Variants in PDE4B observed in about 807,000 individuals in gnomAD.
PDE4B encodes the protein 3',5'-cyclic-AMP phosphodiesterase 4B.
In PDE4B, 20 loss-of-function variants were observed where a neutral mutation model predicts 82.2. That is an observed-to-expected ratio of 0.24 (90% CI 0.17 to 0.35). The LOEUF (loss-of-function observed/expected upper bound fraction) is 0.35, where lower values mean the gene tolerates loss of function less well. Ranked by LOEUF, PDE4B falls within the 10% of genes least tolerant of loss-of-function variation. The pLI is 1.00. For synonymous variants in PDE4B, 320 were observed against 318.9 expected (o/e 1.00, Z -0.04); for missense variants, 655 against 907.2 (o/e 0.72, Z 3.57).
At position 66,319,367 on chromosome 1, in the gene PDE4B, T is replaced by C. The variant is rs534043511; in HGVS notation, c.635-13141T>C. Among the ~76,000 whole-genome samples, 4 of 152,348 alleles carry C rather than the reference T, an allele frequency of 2.6e-5. No individual in the cohort carries two copies. In the East Asian group the frequency reaches 7.7e-4, roughly 29 times the overall value. ...TTTCATTCTACAAATAAAGATAAAA[T>C]TGAGGGATAAATAACCCTTGTGTTC... On this transcript the variant is annotated intron_variant, in intron 7 of 16. Coordinates refer to ENST00000341517, the MANE Select transcript of PDE4B (RefSeq NM_002600.4).
chr1:65,828,771 C>T (rs1646047836), intron 1 of PDE4B, among the ~76,000 whole-genome samples: 2 of 151,434 alleles, frequency 1.3e-5, no homozygotes, highest in Admixed American at 1.3e-4. Context: ...TAATTATAAC[C>T]CCTAGGAAAA....
At chr1:65,808,978 A>C (rs775491054) in intron 1 of PDE4B, among the ~76,000 whole-genome samples, 7 of 152,186 alleles carry the variant, frequency 4.6e-5, no homozygotes, top group Non-Finnish European at 7.3e-5. Context: ...AGAATAACAG[A>C]AAGTGGAATT....
intron 1 of PDE4B, among the ~76,000 whole-genome samples, chr1:65,883,775 A>G (rs1646737372): frequency 6.6e-6 from 1 of 152,170 alleles, no homozygotes; most frequent in Admixed American, 6.5e-5. Context: ...CCCATTCAGT[A>G]TGATATTGGC....
chr1:66,302,703 A>G (rs1232509194), intron 7 of PDE4B, among the ~76,000 whole-genome samples: 1 of 152,216 alleles, frequency 6.6e-6, no homozygotes, highest in Non-Finnish European at 1.5e-5. Flanking sequence ...GGCAGTACAA[A>G]AAGTGGAATA....
At chr1:65,884,892 G>A (rs1173218199) in intron 1 of PDE4B, among the ~76,000 whole-genome samples, 5 of 152,166 alleles carry the variant, frequency 3.3e-5, no homozygotes, top group African/African-American at 9.6e-5. Context: ...CTTCTGCACA[G>A]CAAAAGAAAC....
At position 66,332,566 on chromosome 1, in the gene PDE4B, C is replaced by G; in HGVS notation, c.693C>G (p.Asp231Glu). ...ETLEELDWCL[D>E]QLETIQTYRS... is the part of the protein sequence containing the mutation. ...TGGAGGAATTAGACTGGTGTTTAGA[C>G]CAGCTAGAGACCATACAGACCTACC... Residue 231 changes from aspartate to glutamate, a missense_variant, in exon 8 of 17, where the codon GAC becomes GAG. By Grantham distance (45) the Asp-to-Glu change is conservative. Coordinates refer to ENST00000341517, the MANE Select transcript of PDE4B (RefSeq NM_002600.4). 3 of 1,613,956 alleles carry G rather than the reference C, an allele frequency of 1.9e-6. No individual in the cohort carries two copies. Among genetic ancestry groups the G allele is most frequent in the Non-Finnish European group, 1.7e-6 (2 of 1,179,868 alleles).
intron 1 of PDE4B, among the ~76,000 whole-genome samples, chr1:65,889,908 G>T (rs1206720071): frequency 2.0e-5 from 3 of 152,044 alleles, no homozygotes; most frequent in Admixed American, 2.0e-4. Context: ...TTCCTATTGT[G>T]AGGTGTCCAC....
chr1:66,341,479 T>G (rs1229924388), intron 8 of PDE4B, among the ~76,000 whole-genome samples: 2 of 152,218 alleles, frequency 1.3e-5, no homozygotes, highest in African/African-American at 4.8e-5. Flanking sequence ...TTAGTATGCC[T>G]GAAAATTTAG....
chr1:66,295,609 A>G (rs1657453638), intron 7 of PDE4B, among the ~76,000 whole-genome samples: 1 of 152,202 alleles, frequency 6.6e-6, no homozygotes, highest in South Asian at 2.1e-4. Flanking sequence ...TTGTATTTTC[A>G]GTAGAGACAG....
chr1:66,263,165 C>T (rs538715549), intron 6 of PDE4B, among the ~76,000 whole-genome samples: 30 of 152,218 alleles, frequency 2.0e-4, no homozygotes, highest in Non-Finnish European at 2.9e-4. Context: ...AAGAGAAAGA[C>T]AGGAAAATGG....
At chr1:65,961,066 C>A (rs532808786) in intron 3 of PDE4B, among the ~76,000 whole-genome samples, 1 of 152,058 alleles carries the variant, frequency 6.6e-6, no homozygotes, top group Non-Finnish European at 1.5e-5. Flanking sequence ...ACAGATGAAA[C>A]CTTTGCCCGT....
chr1:66,142,958 A>G (rs2101154365), intron 3 of PDE4B, among the ~76,000 whole-genome samples: 1 of 152,284 alleles, frequency 6.6e-6, no homozygotes, highest in Non-Finnish European at 1.5e-5. Flanking sequence ...AAGCTAAGGG[A>G]GAGAGAACAG....
At chr1:65,965,359 C>T (rs1178812320) in intron 3 of PDE4B, among the ~76,000 whole-genome samples, 1 of 152,038 alleles carries the variant, frequency 6.6e-6, no homozygotes, top group South Asian at 2.1e-4. Flanking sequence ...ATCCTATTCT[C>T]AAAGGGTTAC....
intron 8 of PDE4B, among the ~76,000 whole-genome samples, chr1:66,342,572 A>C (rs1483632999): frequency 6.6e-6 from 1 of 151,122 alleles, no homozygotes; most frequent in African/African-American, 2.4e-5. Flanking sequence ...AAAGAAAAAA[A>C]AGAAAAAAAA....
chr1:65,913,156 T>G, intron 1 of PDE4B, 89 bp from the exon 2 acceptor site: 1 of 583,210 alleles, frequency 1.7e-6, no homozygotes. Context: ...ACATTGTACA[T>G]ATTTCAAATG....
intron 3 of PDE4B, among the ~76,000 whole-genome samples, chr1:66,125,522 A>G (rs920226224): frequency 1.3e-5 from 2 of 152,198 alleles, no homozygotes; most frequent in East Asian, 1.9e-4. Context: ...ATTTATTTCA[A>G]TGCTTAATAT....
intron 7 of PDE4B, among the ~76,000 whole-genome samples, chr1:66,304,456 A>T (rs1348545359): frequency 6.6e-6 from 1 of 152,090 alleles, no homozygotes; most frequent in Non-Finnish European, 1.5e-5. Flanking sequence ...ATCATCCATA[A>T]GCTAAAGCCT....
chr1:65,978,282 C>A (rs1650515392), intron 3 of PDE4B, among the ~76,000 whole-genome samples: 1 of 151,994 alleles, frequency 6.6e-6, no homozygotes, highest in South Asian at 2.1e-4. Flanking sequence ...CCCGCCTTGG[C>A]CTCCTAAAGT....
intron 7 of PDE4B, chr1:66,332,297 G>T: frequency 6.5e-7 from 1 of 1,535,172 alleles, no homozygotes; most frequent in East Asian, 2.3e-5. Flanking sequence ...GGGGGTTGGG[G>T]GGAAACTTGG....
Sources: allele counts gnomAD v4.1 joint callset (sites outside exome capture counted in the v4.1 genomes callset), GRCh38; gene constraint gnomAD v4.1.1; transcripts MANE v1.5; gene names NCBI Gene and HGNC (gene_info 2026-07-23, HGNC 2026-07-21).